SETD3: variants seen among roughly 807,000 people sequenced by gnomAD.
The protein encoded by SETD3 is actin-histidine N-methyltransferase.
SETD3 carries 19 observed loss-of-function variants against 63.0 expected under a neutral mutation model. The observed-to-expected ratio is 0.30, with a 90% CI of 0.21 to 0.44. The LOEUF is 0.44. Ranked by LOEUF, SETD3 falls within the 20% of genes least tolerant of loss-of-function variation. The pLI is 1.00. For missense variants in SETD3, 587 were observed against 728.5 expected, an observed-to-expected ratio of 0.81 and a Z score of 2.24; for synonymous variants, 286 against 264.1, an observed-to-expected ratio of 1.08 and a Z score of -0.80.
chr14:99,412,930 C>G (rs772194048), intron 8 of SETD3, 21 bp downstream of exon 8: 4 of 1,521,140 alleles, frequency 2.6e-6, no homozygotes, highest in Non-Finnish European at 3.7e-6. Context: ...TTCAACACAA[C>G]ACAGGGGAAG....
chr14:99,407,508 T>G (rs1891748919), intron 8 of SETD3, among the ~76,000 whole-genome samples: 1 of 152,232 alleles, frequency 6.6e-6, no homozygotes, highest in East Asian at 1.9e-4. Flanking sequence ...CTGGAGTTGC[T>G]AATTGTACGA....
At chr14:99,456,683 T>C (rs1295664801) in intron 6 of SETD3, among the ~76,000 whole-genome samples, 1 of 152,214 alleles carries the variant, frequency 6.6e-6, no homozygotes, top group East Asian at 1.9e-4. Context: ...TGAAGACACC[T>C]GGCTCTTAAA....
intron 6 of SETD3, among the ~76,000 whole-genome samples, chr14:99,447,074 C>T (rs1443448760): frequency 6.6e-6 from 1 of 151,906 alleles, no homozygotes; most frequent in Non-Finnish European, 1.5e-5. Flanking sequence ...CGGGTTCAAG[C>T]GATTCTCATG....
Position 99,458,510 on chromosome 14 carries a change from G to T in SETD3, c.444C>A (p.Ile148=). ...VLGPLYSQDR[I]LQAMGNIALA... is the part of the protein sequence containing the mutation. The stretch of plus-strand genomic sequence containing the variant: ...GTGCGATGTTTCCCATGGCTTGAAG[G>T]ATTCGGTCTTGAGAATATAAGGGCC... The change falls in exon 6 of 13, where the codon ATC becomes ATA. Residue 148 remains isoleucine, a synonymous_variant. Coordinates refer to ENST00000331768, the MANE Select transcript of SETD3 (RefSeq NM_032233.3). 2 of 1,614,178 alleles carry T rather than the reference G, an allele frequency of 1.2e-6. No homozygotes were observed. Among genetic ancestry groups the T allele is most frequent in the Non-Finnish European group, 1.7e-6 (2 of 1,180,026 alleles).
intron 6 of SETD3, among the ~76,000 whole-genome samples, chr14:99,454,208 T>C (rs991736371): frequency 2.6e-5 from 4 of 152,150 alleles, no homozygotes; most frequent in Admixed American, 1.3e-4. Context: ...TTTTTTTTTT[T>C]AGATGGGATC....
chr14:99,421,680 T>C (rs949856312), intron 6 of SETD3, among the ~76,000 whole-genome samples: 5 of 152,092 alleles, frequency 3.3e-5, no homozygotes, highest in African/African-American at 1.2e-4. Flanking sequence ...TCGAGAACTC[T>C]ATGTGCATAT....
intron 6 of SETD3, among the ~76,000 whole-genome samples, chr14:99,453,104 G>C (rs1306001394): frequency 6.6e-6 from 1 of 152,160 alleles, no homozygotes; most frequent in African/African-American, 2.4e-5. Context: ...ACTGGGAACT[G>C]ATGTAATAAT....
At chr14:99,460,869 C>T (rs1321079279) in intron 4 of SETD3, among the ~76,000 whole-genome samples, 1 of 152,214 alleles carries the variant, frequency 6.6e-6, no homozygotes, top group Non-Finnish European at 1.5e-5. Context: ...CAGTAAGTTA[C>T]AAAATCCAAA....
chr14:99,419,494 G>A (rs896648131), intron 6 of SETD3, among the ~76,000 whole-genome samples: 5 of 152,156 alleles, frequency 3.3e-5, no homozygotes, highest in African/African-American at 1.2e-4. Context: ...ACCTTTTTAT[G>A]GCCGGGCGCG....
intron 6 of SETD3, among the ~76,000 whole-genome samples, chr14:99,423,750 C>T (rs1461075773): frequency 6.6e-6 from 1 of 152,006 alleles, no homozygotes; most frequent in Non-Finnish European, 1.5e-5. Context: ...AGGGTAAAAT[C>T]TGGAAGAACA....
At chr14:99,470,582 C>A (rs1895646957) in intron 1 of SETD3, among the ~76,000 whole-genome samples, 1 of 152,220 alleles carries the variant, frequency 6.6e-6, no homozygotes, top group African/African-American at 2.4e-5. Flanking sequence ...TTCCAGTAAG[C>A]CTCCCCACTG....
At chr14:99,444,521 T>C (rs996250726) in intron 6 of SETD3, 1 of 152,202 alleles carries the variant, frequency 6.6e-6, no homozygotes, top group Non-Finnish European at 1.5e-5. Flanking sequence ...ACTGAGATGA[T>C]GGATATGCTA....
intron 1 of SETD3, among the ~76,000 whole-genome samples, chr14:99,480,414 G>C (rs1334313297): frequency 6.6e-6 from 1 of 151,868 alleles, no homozygotes; most frequent in Admixed American, 6.6e-5. Flanking sequence ...GGGTGGCGCG[G>C]GGCCCGGGAG....
chr14:99,416,406 G>A (rs761817143), intron 6 of SETD3, among the ~76,000 whole-genome samples: 29 of 152,196 alleles, frequency 1.9e-4, no homozygotes, highest in Non-Finnish European at 3.4e-4. Flanking sequence ...GCAAAGTGGT[G>A]CTTATAAAGG....
At chr14:99,424,254 C>T (rs1892756095) in intron 6 of SETD3, among the ~76,000 whole-genome samples, 1 of 152,172 alleles carries the variant, frequency 6.6e-6, no homozygotes, top group Non-Finnish European at 1.5e-5. Context: ...ACTCCCAACT[C>T]GGAGCCCAGA....
rs1259418035 is a variant in SETD3 at position 99,397,790 on chromosome 14, G to A, written c.*889C>T. On this transcript the variant is annotated 3_prime_UTR_variant, in exon 13 of 13. Transcript: ENST00000331768. ...TTAATAAGGGTTTTTACTCAAAAGT[G>A]TAGCTTTGAAAATCTCTAGCTTGTT... 6.6e-6 allele frequency: 1 copy of A among 152,302 alleles called. No homozygotes were observed. The highest frequency in any genetic ancestry group is 2.1e-4 in the South Asian group (1 of 4,834). The allele number at this position is 152,302 out of a possible 1,614,324, so 9.4% of individuals were successfully genotyped here.
intron 1 of SETD3, among the ~76,000 whole-genome samples, chr14:99,470,568 G>T (rs1895645954): frequency 6.6e-6 from 1 of 152,130 alleles, no homozygotes; most frequent in Non-Finnish European, 1.5e-5. Flanking sequence ...AGTTTCCAGG[G>T]CTCTTCCAGT....
intron 6 of SETD3, among the ~76,000 whole-genome samples, chr14:99,418,465 A>G (rs1892397819): frequency 6.6e-6 from 1 of 152,164 alleles, no homozygotes; most frequent in Admixed American, 6.5e-5. Context: ...ATCAGTCACA[A>G]ACTCTCACAT....
intron 2 of SETD3, among the ~76,000 whole-genome samples, chr14:99,463,857 A>T (rs1181674787): frequency 6.6e-6 from 1 of 152,244 alleles, no homozygotes; most frequent in Non-Finnish European, 1.5e-5. Context: ...CCTTATTCTT[A>T]GTTAACTCTT....
Sources: gnomAD v4.1 joint callset for allele counts (sites outside exome capture counted in the v4.1 genomes callset) on GRCh38, gnomAD v4.1.1 for gene constraint, MANE v1.5 for transcripts, NCBI Gene and HGNC (gene_info 2026-07-23, HGNC 2026-07-21) for gene names.